Variants in CAMK4 observed in about 807,000 individuals in gnomAD.
CAMK4 encodes the protein calcium/calmodulin-dependent protein kinase type IV.
Under a neutral mutation model 44.9 loss-of-function variants are expected in CAMK4, and 22 were observed. That is an observed-to-expected ratio of 0.49 (90% CI 0.35 to 0.70). The LOEUF is 0.70. Among genes scored for constraint, CAMK4 ranks in the 30% least tolerant of loss-of-function variants. The pLI is 0.01. For missense variants in CAMK4, 498 were observed against 586.8 expected (o/e 0.85, Z 1.56); for synonymous variants, 218 against 215.4 (o/e 1.01, Z -0.11).
intron 5 of CAMK4, among the ~76,000 whole-genome samples, chr5:111,431,482 C>A (rs925984667): frequency 1.3e-5 from 2 of 152,076 alleles, no homozygotes; most frequent in African/African-American, 4.8e-5. Context: ...CCCACAAGCA[C>A]AGGTAACCAA....
chr5:111,489,393 T>G lies in CAMK4; in HGVS notation c.*4927T>G, dbSNP rs575924423. 4 of 152,344 alleles carry G rather than the reference T, an allele frequency of 2.6e-5. No homozygotes were observed. The South Asian group carries it at 6.2e-4, about 24-fold the overall frequency. 9.4% of individuals were successfully genotyped at this position (152,344 alleles called of 1,614,324 possible). A position where few individuals can be genotyped will look rare whatever the true frequency, so the allele number is the denominator to read the frequency against. ...TACTCCTTGTGGCTATTACCTGAGATCAGATAATATAATCTCAGCTCATAA... is the reference window on the plus strand; with the variant it reads ...TACTCCTTGTGGCTATTACCTGAGAGCAGATAATATAATCTCAGCTCATAA... On this transcript the variant is annotated 3_prime_UTR_variant, in exon 11 of 11. Transcript: ENST00000282356.
rs1298076759 is a variant in CAMK4 at position 111,224,412 on chromosome 5, G to A, written c.-72G>A. On this transcript the variant is annotated 5_prime_UTR_variant, in exon 1 of 11. Coordinates refer to ENST00000282356, the MANE Select transcript of CAMK4 (RefSeq NM_001744.6). This position sits in a 1 kb window ranked among gnomAD's most constrained non-coding sequence, Gnocchi z 5.7. ...TCTCGCTCCTGCGTTCGCAGGCGGCGGCTGGCGGCCGGCTTCTCGCTCGGG... is the reference window on the plus strand; with the variant it reads ...TCTCGCTCCTGCGTTCGCAGGCGGCAGCTGGCGGCCGGCTTCTCGCTCGGG... 1.3e-6 allele frequency: 2 copies of A among 1,488,468 alleles called. No homozygotes were observed. Among genetic ancestry groups the A allele is most frequent in the Non-Finnish European group, 1.8e-6 (2 of 1,123,814 alleles). 92.2% of individuals were successfully genotyped at this position (1,488,468 alleles called of 1,614,324 possible).
At chr5:111,450,038 G>T (rs1484965680) in intron 7 of CAMK4, among the ~76,000 whole-genome samples, 1 of 152,140 alleles carries the variant, frequency 6.6e-6, no homozygotes, top group Non-Finnish European at 1.5e-5. Context: ...TTTTACACAG[G>T]CCAGGTGTGG....
chr5:111,259,845 C>A (rs1217703182), intron 1 of CAMK4, among the ~76,000 whole-genome samples: 1 of 152,080 alleles, frequency 6.6e-6, no homozygotes, highest in African/African-American at 2.4e-5. Flanking sequence ...TCATTAACAA[C>A]CTGACAGGTT....
chr5:111,252,242 T>A (rs1749533735), intron 1 of CAMK4, among the ~76,000 whole-genome samples: 1 of 152,194 alleles, frequency 6.6e-6, no homozygotes, highest in Non-Finnish European at 1.5e-5. Context: ...CTTCTTCAGC[T>A]GACTTGAGTG....
chr5:111,246,217 A>G (rs1433265763), intron 1 of CAMK4, among the ~76,000 whole-genome samples: 1 of 152,254 alleles, frequency 6.6e-6, no homozygotes, highest in African/African-American at 2.4e-5. Context: ...GCTGGAAAGC[A>G]CAAAGCTTGT....
chr5:111,468,180 G>A (rs1056409571), intron 7 of CAMK4, among the ~76,000 whole-genome samples: 1 of 152,064 alleles, frequency 6.6e-6, no homozygotes, highest in African/African-American at 2.4e-5. Flanking sequence ...GGAAAGGGTG[G>A]GAGTGGGGTG....
At chr5:111,251,262 T>G (rs757296102) in intron 1 of CAMK4, among the ~76,000 whole-genome samples, 5 of 152,214 alleles carry the variant, frequency 3.3e-5, no homozygotes, top group Non-Finnish European at 5.9e-5. Context: ...ACACAAGGGC[T>G]TTTGACCAAA....
At position 111,491,324 on chromosome 5, in the gene CAMK4, A is replaced by G. The variant is rs1185519781; in HGVS notation, c.*6858A>G. On this transcript the variant is annotated 3_prime_UTR_variant, in exon 11 of 11. Coordinates refer to ENST00000282356, the MANE Select transcript of CAMK4 (RefSeq NM_001744.6). ...AGAGACCATATGGACTGCAAAGCCTAAAATGTGTATCTGGACCCTTACAGT... is the reference window on the plus strand; with the variant it reads ...AGAGACCATATGGACTGCAAAGCCTGAAATGTGTATCTGGACCCTTACAGT... 2 of 152,178 alleles carry G rather than the reference A, an allele frequency of 1.3e-5. No individual in the cohort carries two copies. Among genetic ancestry groups the G allele is most frequent in the Non-Finnish European group, 2.9e-5 (2 of 68,036 alleles). The allele number at this position is 152,178 out of a possible 1,614,324, so 9.4% of individuals were successfully genotyped here. A position where few individuals can be genotyped will look rare whatever the true frequency, so the allele number is the denominator to read the frequency against.
At chr5:111,372,980 C>G (rs908932305) in intron 2 of CAMK4, among the ~76,000 whole-genome samples, 7 of 152,228 alleles carry the variant, frequency 4.6e-5, no homozygotes, top group Admixed American at 6.5e-5. Context: ...TCATCCTCTC[C>G]TCTAAGAATT....
At chr5:111,235,403 T>TC (rs1748668717) in intron 1 of CAMK4, among the ~76,000 whole-genome samples, 1 of 152,146 alleles carries the variant, frequency 6.6e-6, no homozygotes, top group Non-Finnish European at 1.5e-5. Context: ...CCTAGAGTGT[T>TC]CAGTTCTAAT....
rs1229002660 is a variant in CAMK4 at position 111,377,030 on chromosome 5, TATA to T, written c.386+91_386+93del. On this transcript the variant is annotated intron_variant, in intron 4 of 10. Transcript: ENST00000282356. ...AAAGGACATTTCTCCTGAAACTTTT[TATA>T]ATGACAGATTATACTTGTTGATAAA... The T allele has an allele frequency of 3.8e-6, 3 of 795,208 alleles. No individual in the cohort carries two copies. The Admixed American group carries it at 7.0e-5, about 18-fold the overall frequency. 49.3% of individuals were successfully genotyped at this position (795,208 alleles called of 1,614,324 possible).
At chr5:111,296,784 G>A (rs2112636936) in intron 1 of CAMK4, among the ~76,000 whole-genome samples, 1 of 152,334 alleles carries the variant, frequency 6.6e-6, no homozygotes, top group South Asian at 2.1e-4. Context: ...GCTGGGTGAT[G>A]AGCCAAATGC....
intron 5 of CAMK4, among the ~76,000 whole-genome samples, chr5:111,444,569 T>C (rs1753961914): frequency 1.3e-5 from 2 of 152,158 alleles, no homozygotes; most frequent in Non-Finnish European, 2.9e-5. Context: ...TGAGAGTAGC[T>C]GAATCTCCCT....
rs1755796614 is a variant in CAMK4, at chr5:111,490,878, A to C, written c.*6412A>C. On this transcript the variant is annotated 3_prime_UTR_variant, in exon 11 of 11. Coordinates refer to ENST00000282356, the MANE Select transcript of CAMK4 (RefSeq NM_001744.6). ...AATAGTAGTCCATTCCATGTCCAAC[A>C]GATGTTGCTGTGTTTCTTTCAACAT... 1 of 152,226 alleles carries C rather than the reference A, an allele frequency of 6.6e-6. No individual in the cohort carries two copies. Among genetic ancestry groups the C allele is most frequent in the African/African-American group, 2.4e-5 (1 of 41,466 alleles). The allele number at this position is 152,226 out of a possible 1,614,324, so 9.4% of individuals were successfully genotyped here. A position where few individuals can be genotyped will look rare whatever the true frequency, so the allele number is the denominator to read the frequency against.
Position 111,292,043 on chromosome 5 carries a change from A to G in CAMK4, c.162-51981A>G, listed in dbSNP as rs148812875. ...TATTTATATTCCAACATCCTGCACC[A>G]AAATCAGTGGTCCTCAGAGGAATAA... On this transcript the variant is annotated intron_variant, in intron 1 of 10. Transcript: ENST00000282356. Among the ~76,000 whole-genome samples the G allele has an allele frequency of 3.2e-4, 48 of 152,334 alleles. No individual in the cohort carries two copies. In the East Asian group the frequency reaches 8.7e-3, roughly 28 times the overall value.
rs1324825594 is a variant in CAMK4, at chr5:111,327,934, C to T, written c.162-16090C>T. On this transcript the variant is annotated intron_variant, in intron 1 of 10. Transcript: ENST00000282356. Reference sequence around the variant, plus strand: ...AGCCCTTTGTCAGATGAGTAGGTTGCAGAAATTTTCTCCCATGTCGTAGGT... The same window carrying T: ...AGCCCTTTGTCAGATGAGTAGGTTGTAGAAATTTTCTCCCATGTCGTAGGT... Among the ~76,000 whole-genome samples the T allele has an allele frequency of 1.3e-4, 15 of 113,296 alleles. 1 individual carries two copies. The South Asian group carries it at 3.1e-3, about 24-fold the overall frequency. 74.3% of individuals were successfully genotyped at this position (113,296 alleles called of 152,430 possible).
chr5:111,421,398 G>A (rs1380866117), intron 5 of CAMK4, among the ~76,000 whole-genome samples: 1 of 152,108 alleles, frequency 6.6e-6, no homozygotes, highest in Non-Finnish European at 1.5e-5. Flanking sequence ...TTTTTCAAAG[G>A]GAGCAATAAG....
chr5:111,435,961 T>C (rs970807918), intron 5 of CAMK4, among the ~76,000 whole-genome samples: 1 of 152,232 alleles, frequency 6.6e-6, no homozygotes, highest in Admixed American at 6.5e-5. Flanking sequence ...AGATTGCACA[T>C]AAATTGTTCC....
Sources: gnomAD v4.1 joint callset for allele counts (sites outside exome capture counted in the v4.1 genomes callset) on GRCh38, gnomAD v4.1.1 for gene constraint, Gnocchi (gnomAD v3.1) non-coding constraint, MANE v1.5 for transcripts, NCBI Gene and HGNC (gene_info 2026-07-23, HGNC 2026-07-21) for gene names.